NCOA2: variants seen among roughly 807,000 people sequenced by gnomAD.
The protein encoded by NCOA2 is class E basic helix-loop-helix protein 75.
A neutral mutation model predicts 145.1 loss-of-function variants in NCOA2; 21 were observed. The ratio of observed to expected loss-of-function variants is 0.14; its 90% CI spans 0.10 to 0.21. NCOA2 has a LOEUF of 0.21. Ranked by LOEUF, NCOA2 falls within the 10% of genes least tolerant of loss-of-function variation. The pLI, the probability that NCOA2 is intolerant of heterozygous loss-of-function variation, is 1.00. For synonymous variants in NCOA2, 619 were observed against 637.5 expected (o/e 0.97, Z 0.44); for missense variants, 1,472 against 1,837.6 (o/e 0.80, Z 3.64).
intron 1 of NCOA2, among the ~76,000 whole-genome samples, chr8:70,375,159 G>A (rs541807803): frequency 6.6e-6 from 1 of 152,174 alleles, no homozygotes; most frequent in South Asian, 2.1e-4. Context: ...ATTAATGTTT[G>A]GTTGTTTTAT....
intron 1 of NCOA2, among the ~76,000 whole-genome samples, chr8:70,338,927 C>G (rs111955346): frequency 0.067 from 10,162 of 152,076 alleles, 436 homozygotes; most frequent in East Asian, 0.16. Flanking sequence ...TCTCAATAAA[C>G]TAGGTATTGA....
the NCOA2 span, among the ~76,000 whole-genome samples, chr8:70,435,941 G>GAC: frequency 4.6e-5 from 7 of 152,098 alleles, no homozygotes; most frequent in Non-Finnish European, 5.9e-5. Flanking sequence ...TAGGACTACA[G>GAC]GTGCGTGCCA....
chr8:70,244,390 T>C (rs139324149), intron 2 of NCOA2, among the ~76,000 whole-genome samples: 2 of 152,210 alleles, frequency 1.3e-5, no homozygotes, highest in East Asian at 1.9e-4. Flanking sequence ...AGCATTAACA[T>C]GAGCAAAAGC....
At chr8:70,369,705 A>G (rs1458310013) in intron 1 of NCOA2, among the ~76,000 whole-genome samples, 2 of 152,282 alleles carry the variant, frequency 1.3e-5, no homozygotes, top group East Asian at 3.9e-4. Context: ...CTGACAGGGG[A>G]TGCTATTACC....
chr8:70,188,784 G>C (rs1372018431), intron 4 of NCOA2, among the ~76,000 whole-genome samples: 2 of 152,102 alleles, frequency 1.3e-5, no homozygotes, highest in East Asian at 1.9e-4. Context: ...AATAGAAATG[G>C]AATCAGAAAC....
At chr8:70,292,214 G>A (rs539464633) in intron 2 of NCOA2, among the ~76,000 whole-genome samples, 139 of 151,890 alleles carry the variant, frequency 9.2e-4, no homozygotes, top group Middle Eastern at 6.8e-3. Context: ...GTGCGGTGGC[G>A]TGATCTCGGC....
At chr8:70,170,061 G>T in intron 6 of NCOA2, 141 bp downstream of exon 6, 1 of 777,822 alleles carries the variant, frequency 1.3e-6, no homozygotes, top group Non-Finnish European at 2.0e-6. Flanking sequence ...ACAAGCATCT[G>T]TAAAAAACTA....
chr8:70,385,336 T>C (rs1265679592), intron 1 of NCOA2, among the ~76,000 whole-genome samples: 2 of 152,220 alleles, frequency 1.3e-5, no homozygotes, highest in Non-Finnish European at 1.5e-5. Context: ...CACACTTGTT[T>C]AAGTGATGGA....
chr8:70,367,839 A>T (rs1446278168), intron 1 of NCOA2, among the ~76,000 whole-genome samples: 1 of 152,232 alleles, frequency 6.6e-6, no homozygotes, highest in African/African-American at 2.4e-5. Context: ...CAACATTTCT[A>T]TGACTCAGTA....
intron 2 of NCOA2, among the ~76,000 whole-genome samples, chr8:70,242,698 A>G (rs755615216): frequency 1.3e-5 from 2 of 152,108 alleles, no homozygotes; most frequent in Non-Finnish European, 2.9e-5. Context: ...TGTCTCTAAA[A>G]TATAGCCCCG....
rs1197818789 is a variant in NCOA2, at chr8:70,111,767, T to G, written c.*1865A>C. ...GATATAAGTATAAATAGGGGTAGTTTGTACATTTTTCACCCTGCCACAAAT... is the reference window on the plus strand; with the variant it reads ...GATATAAGTATAAATAGGGGTAGTTGGTACATTTTTCACCCTGCCACAAAT... On this transcript the variant is annotated 3_prime_UTR_variant, in exon 23 of 23. Coordinates refer to ENST00000452400, the MANE Select transcript of NCOA2 (RefSeq NM_006540.4). The G allele has an allele frequency of 1.8e-5, 4 of 219,574 alleles. No individual in the cohort carries two copies. Among genetic ancestry groups the G allele is most frequent in the Non-Finnish European group, 2.7e-5 (3 of 109,662 alleles). 13.6% of individuals were successfully genotyped at this position (219,574 alleles called of 1,614,324 possible).
chr8:70,371,112 C>A (rs1368403586), intron 1 of NCOA2, among the ~76,000 whole-genome samples: 1 of 151,812 alleles, frequency 6.6e-6, no homozygotes, highest in Admixed American at 6.6e-5. Flanking sequence ...ACAGTGAAAC[C>A]CCCGTCTCTA....
intron 1 of NCOA2, among the ~76,000 whole-genome samples, chr8:70,351,239 C>T (rs948430562): frequency 3.6e-4 from 55 of 152,182 alleles, no homozygotes; most frequent in African/African-American, 1.3e-3. Flanking sequence ...ATACCGACAA[C>T]CTACCTTTAT....
intron 1 of NCOA2, among the ~76,000 whole-genome samples, chr8:70,322,918 T>C (rs2136187303): frequency 6.6e-6 from 1 of 152,324 alleles, no homozygotes; most frequent in Admixed American, 6.5e-5. Flanking sequence ...TTTTTAGACT[T>C]GTATTTCTGG....
chr8:70,405,005 G>A (rs563950510), upstream of NCOA2, among the ~76,000 whole-genome samples: 3 of 152,296 alleles, frequency 2.0e-5, no homozygotes, highest in Non-Finnish European at 1.5e-5. Flanking sequence ...CACTTACTGT[G>A]AATCTGACTG....
At chr8:70,295,023 C>T (rs1466271950) in intron 2 of NCOA2, among the ~76,000 whole-genome samples, 1 of 151,992 alleles carries the variant, frequency 6.6e-6, no homozygotes, top group Admixed American at 6.6e-5. Context: ...AATGAAAAAT[C>T]CTGATGGCAG....
At chr8:70,441,480 A>G in the NCOA2 span, among the ~76,000 whole-genome samples, 4 of 150,866 alleles carry the variant, frequency 2.7e-5, no homozygotes, top group Non-Finnish European at 4.4e-5. Context: ...AGGGAGAACA[A>G]GCAAAGAAGG....
chr8:70,183,176 G>C (rs1815677957), intron 4 of NCOA2, among the ~76,000 whole-genome samples: 1 of 152,146 alleles, frequency 6.6e-6, no homozygotes, highest in Non-Finnish European at 1.5e-5. Context: ...AATTTGCTTA[G>C]AAAGTTGAAA....
rs1191729723 is a variant in NCOA2, at chr8:70,148,295, T to C, written c.2583A>G (p.Thr861=). The C allele has an allele frequency of 2.5e-6, 4 of 1,614,018 alleles. No individual in the cohort carries two copies. Among genetic ancestry groups the C allele is most frequent in the African/African-American group, 1.3e-5 (1 of 75,058 alleles). ...CACTGCTCTGTGAAATTCGCAGTGC[T>C]GTTTTCTGGGCTCCAACAGGTGTGA... ...SPVTPVGAQK[T]ALRISQSTFN... is the part of the protein sequence containing the mutation. Residue 861 remains threonine (T), a synonymous_variant, in exon 12 of 23, where the codon ACA becomes ACG. Coordinates refer to ENST00000452400, the MANE Select transcript of NCOA2 (RefSeq NM_006540.4).
Sources: gnomAD v4.1 joint callset for allele counts (sites outside exome capture counted in the v4.1 genomes callset) on GRCh38, gnomAD v4.1.1 for gene constraint, MANE v1.5 for transcripts, NCBI Gene and HGNC (gene_info 2026-07-23, HGNC 2026-07-21) for gene names.